The following NEBL variants were observed in gnomAD, a reference collection of about 807,000 sequenced individuals.
NEBL encodes nebulette.
A neutral mutation model predicts 140.2 loss-of-function variants in NEBL; 122 were observed. The observed-to-expected ratio is 0.87, with a 90% CI of 0.75 to 1.01. NEBL has a LOEUF of 1.01. Ranked by LOEUF, NEBL falls within the 50% of genes least tolerant of loss-of-function variation. The probability of loss-of-function intolerance (pLI) is 0.00; values close to 1 mark genes in which losing one functional copy is unlikely to be tolerated. For synonymous variants in NEBL, 436 were observed against 398.9 expected, an observed-to-expected ratio of 1.09 and a Z score of -1.11; for missense variants, 1,365 against 1,231.3, an observed-to-expected ratio of 1.11 and a Z score of -1.62.
At chr10:21,001,092 A>G (rs193101903) in intron 3 of NEBL, among the ~76,000 whole-genome samples, 13 of 152,304 alleles carry the variant, frequency 8.5e-5, no homozygotes, top group Non-Finnish European at 1.6e-4. Context: ...TTCTCCACAG[A>G]AAGCAGCAGG....
At chr10:21,200,377 G>A (rs916285197) in intron 3 of NEBL, among the ~76,000 whole-genome samples, 48 of 121,220 alleles carry the variant, frequency 4.0e-4, no homozygotes, top group Admixed American at 3.1e-3. Context: ...ACAGTGACAC[G>A]ATCTCGGCTC....
chr10:20,942,829 C>G (rs1387691223), intron 4 of NEBL, among the ~76,000 whole-genome samples: 2 of 152,152 alleles, frequency 1.3e-5, no homozygotes, highest in Admixed American at 1.3e-4. Flanking sequence ...CCAAAAGACA[C>G]ATGAAAAAAT....
intron 3 of NEBL, among the ~76,000 whole-genome samples, chr10:20,999,229 A>G (rs1837788947): frequency 1.3e-5 from 2 of 151,848 alleles, no homozygotes; most frequent in Admixed American, 1.3e-4. Context: ...GGTTTATTCC[A>G]ACAATCATTT....
intron 1 of NEBL, among the ~76,000 whole-genome samples, chr10:21,273,098 A>G (rs1378063621): frequency 6.6e-6 from 1 of 152,206 alleles, no homozygotes; most frequent in African/African-American, 2.4e-5. Flanking sequence ...TGGAGGTTCC[A>G]CATGATGAAA....
chr10:21,282,796 A>G (rs746871139), intron 1 of NEBL, among the ~76,000 whole-genome samples: 27 of 152,090 alleles, frequency 1.8e-4, no homozygotes, highest in Non-Finnish European at 3.5e-4. Context: ...GGGTCACCAC[A>G]AGATACAGGT....
In NEBL at chr10:21,073,618, A is replaced by C. The variant is rs991859317; in HGVS notation, c.165-53417T>G. 3.4e-3 allele frequency among the ~76,000 whole-genome samples: 282 copies of C among 82,124 alleles called. 1 individual carries two copies. Among genetic ancestry groups the C allele is most frequent in the African/African-American group, 0.022 (268 of 12,084 alleles). The allele number at this position is 82,124 out of a possible 152,430, so 53.9% of individuals were successfully genotyped here. A position where few individuals can be genotyped will look rare whatever the true frequency, so the allele number is the denominator to read the frequency against. ...GGTGACAGAGCAAGACTCTGTCGTC[A>C]AAAAAAAAAAAAAAAAAAAGTCTTT... On this transcript the variant is annotated intron_variant, in intron 2 of 6. Transcript: ENST00000417816.
At chr10:20,813,150 T>A (rs1057244946) in intron 23 of NEBL, among the ~76,000 whole-genome samples, 1 of 151,526 alleles carries the variant, frequency 6.6e-6, no homozygotes. Context: ...TTTTTAATCA[T>A]TATAGCTCAT....
chr10:20,967,412 G>A (rs375381276), intron 3 of NEBL, among the ~76,000 whole-genome samples: 10 of 152,210 alleles, frequency 6.6e-5, no homozygotes, highest in East Asian at 3.9e-4. Flanking sequence ...TGGATCACTT[G>A]AGGTCAGGAG....
At chr10:21,065,282 T>G (rs903261768) in intron 2 of NEBL, among the ~76,000 whole-genome samples, 1 of 152,232 alleles carries the variant, frequency 6.6e-6, no homozygotes. Flanking sequence ...AGTTTTCTGA[T>G]GAACACACTT....
At chr10:21,098,158 C>G (rs1267462995) in intron 2 of NEBL, among the ~76,000 whole-genome samples, 1 of 151,948 alleles carries the variant, frequency 6.6e-6, no homozygotes, top group Non-Finnish European at 1.5e-5. Flanking sequence ...GCTGCAGGGC[C>G]CTTTCATGTA....
intron 3 of NEBL, among the ~76,000 whole-genome samples, chr10:21,180,375 G>C (rs767795027): frequency 1.3e-5 from 2 of 152,168 alleles, no homozygotes; most frequent in Non-Finnish European, 2.9e-5. Context: ...GAGATGGTAT[G>C]ATTCCTTCTC....
intron 20 of NEBL, 140 bp downstream of exon 20, chr10:20,819,284 T>G: frequency 7.3e-7 from 1 of 1,365,454 alleles, no homozygotes; most frequent in Non-Finnish European, 1.0e-6. Context: ...ATTCTCATCA[T>G]TTAGCTCTCA....
chr10:20,878,257 G>T (rs1845690104), intron 5 of NEBL, among the ~76,000 whole-genome samples: 1 of 152,238 alleles, frequency 6.6e-6, no homozygotes, highest in African/African-American at 2.4e-5. Flanking sequence ...TTCACTAAAA[G>T]ATATTAGAAA....
chr10:20,939,176 G>A (rs879907380), intron 4 of NEBL, among the ~76,000 whole-genome samples: 32 of 152,128 alleles, frequency 2.1e-4, no homozygotes, highest in Non-Finnish European at 3.8e-4. Flanking sequence ...AAAGGTTAAG[G>A]GCAGCCAGAA....
chr10:20,886,876 G>A (rs80208855), intron 4 of NEBL, among the ~76,000 whole-genome samples: 113 of 152,236 alleles, frequency 7.4e-4, no homozygotes, highest in African/African-American at 2.5e-3. Context: ...GTAAAAGGAA[G>A]CATATCCTTA....
intron 23 of NEBL, chr10:20,813,674 C>A (rs1036870315): frequency 2.5e-6 from 1 of 394,728 alleles, no homozygotes; most frequent in African/African-American, 2.0e-5. Context: ...AAGAAGTCTA[C>A]ACAAATATCT....
chr10:21,024,106 T>C (rs1331371453), intron 2 of NEBL, among the ~76,000 whole-genome samples: 1 of 152,118 alleles, frequency 6.6e-6, no homozygotes, highest in Middle Eastern at 3.2e-3. Context: ...CTACTGTCTT[T>C]TAGAAAAATA....
chr10:20,891,644 T>C (rs916597148), intron 2 of NEBL, among the ~76,000 whole-genome samples: 1 of 152,214 alleles, frequency 6.6e-6, no homozygotes, highest in African/African-American at 2.4e-5. Context: ...CTTCTTCTGT[T>C]AGGCAGACAA....
intron 3 of NEBL, among the ~76,000 whole-genome samples, chr10:21,186,984 CTGTATG>C (rs1157187250): frequency 2.2e-5 from 3 of 135,362 alleles, no homozygotes; most frequent in East Asian, 4.3e-4. Flanking sequence ...AGGGCCAACT[CTGTATG>C]TGTGTGTGTG....
Sources: allele counts gnomAD v4.1 joint callset (sites outside exome capture counted in the v4.1 genomes callset), GRCh38; gene constraint gnomAD v4.1.1; transcripts MANE v1.5; gene names NCBI Gene and HGNC (gene_info 2026-07-23, HGNC 2026-07-21).